ATXN7L1: variants seen among roughly 807,000 people sequenced by gnomAD.
ATXN7L1 encodes the protein ataxin-7-like protein 1.
Under a neutral mutation model 70.8 loss-of-function variants are expected in ATXN7L1, and 15 were observed. The observed-to-expected ratio is 0.21, with a 90% CI of 0.14 to 0.33. The LOEUF (loss-of-function observed/expected upper bound fraction) is 0.33. ATXN7L1 is among the 10% of genes least tolerant of loss of function. The probability of loss-of-function intolerance (pLI) is 1.00; values close to 1 mark genes in which losing one functional copy is unlikely to be tolerated. For synonymous variants in ATXN7L1, 440 were observed against 445.1 expected, an observed-to-expected ratio of 0.99 and a Z score of 0.14; for missense variants, 975 against 1,097.1, an observed-to-expected ratio of 0.89 and a Z score of 1.57.
intron 4 of ATXN7L1, among the ~76,000 whole-genome samples, chr7:105,659,080 T>A (rs1450713812): frequency 6.6e-6 from 1 of 152,074 alleles, no homozygotes; most frequent in Admixed American, 6.5e-5. Flanking sequence ...GAGGTTGCAG[T>A]GAGCTGAGAT....
At position 105,662,360 on chromosome 7, in the gene ATXN7L1, C is replaced by G. The variant is rs142748868; in HGVS notation, c.578+2706G>C. On this transcript the variant is annotated intron_variant, in intron 4 of 11. Transcript: ENST00000419735. ...CTTGTGATCTGCCCATCTCGGCCTC[C>G]CAAAGTGCTGGGATTACAGATGTGA... 3.8e-3 allele frequency among the ~76,000 whole-genome samples: 580 copies of G among 152,192 alleles called. 2 individuals carry two copies. Among genetic ancestry groups the G allele is most frequent in the Middle Eastern group, 0.017 (5 of 294 alleles).
At chr7:105,722,481 GA>G (rs1431965496) in intron 3 of ATXN7L1, among the ~76,000 whole-genome samples, 2 of 139,062 alleles carry the variant, frequency 1.4e-5, no homozygotes, top group Non-Finnish European at 3.1e-5. Context: ...AGAATTGCTT[GA>G]ATTGGGAGGC....
rs1792765835 is a variant in ATXN7L1 at position 105,606,365 on chromosome 7, T to G, written c.*1487A>C. ...ACTTAACAGTAGTCTGATCTTTGGGTTGGGGGAACGGGAAAGAAAAGGAAA... is the reference window on the plus strand; with the variant it reads ...ACTTAACAGTAGTCTGATCTTTGGGGTGGGGGAACGGGAAAGAAAAGGAAA... On this transcript the variant is annotated 3_prime_UTR_variant, in exon 12 of 12. Transcript: ENST00000419735. 6.6e-6 allele frequency: 1 copy of G among 152,120 alleles called. No individual in the cohort carries two copies. Among genetic ancestry groups the G allele is most frequent in the Non-Finnish European group, 1.5e-5 (1 of 68,014 alleles). 9.4% of individuals were successfully genotyped at this position (152,120 alleles called of 1,614,324 possible).
chr7:105,748,767 T>C (rs1202767534), intron 3 of ATXN7L1, among the ~76,000 whole-genome samples: 1 of 152,136 alleles, frequency 6.6e-6, no homozygotes, highest in African/African-American at 2.4e-5. Flanking sequence ...CAGGGCCAAG[T>C]GTGGACAGGG....
intron 3 of ATXN7L1, among the ~76,000 whole-genome samples, chr7:105,688,807 C>T (rs558179341): frequency 5.9e-5 from 9 of 152,324 alleles, no homozygotes; most frequent in South Asian, 2.1e-4. Flanking sequence ...TACAAGTACA[C>T]GGAGCAGGTG....
At chr7:105,692,415 T>TTCCCTCCCTCCC (rs1379205062) in intron 3 of ATXN7L1, among the ~76,000 whole-genome samples, 5,843 of 134,622 alleles carry the variant, frequency 0.043, 362 homozygotes, top group South Asian at 0.12. Context: ...CCTTCCTTCC[T>TTCCCTCCCTCCC]TCCTTCCTTC....
chr7:105,641,978 T>G (rs1798326465), intron 5 of ATXN7L1, among the ~76,000 whole-genome samples: 1 of 152,220 alleles, frequency 6.6e-6, no homozygotes, highest in South Asian at 2.1e-4. Flanking sequence ...CGAGGACAGT[T>G]TCTCTGTCAC....
chr7:105,801,394 A>C (rs539663516), intron 2 of ATXN7L1, among the ~76,000 whole-genome samples: 1 of 152,320 alleles, frequency 6.6e-6, no homozygotes, highest in Non-Finnish European at 1.5e-5. Context: ...GATCTAGGAA[A>C]TCAGATTCTC....
chr7:105,667,698 C>CAAAAAAAA (rs397890100), intron 3 of ATXN7L1, among the ~76,000 whole-genome samples: 1 of 47,066 alleles, frequency 2.1e-5, no homozygotes, highest in African/African-American at 7.9e-5. Flanking sequence ...GACTCCGTCT[C>CAAAAAAAA]AAAAAAAAAA....
At chr7:105,697,605 G>A (rs776483591) in intron 3 of ATXN7L1, among the ~76,000 whole-genome samples, 27 of 152,100 alleles carry the variant, frequency 1.8e-4, no homozygotes, top group African/African-American at 5.3e-4. Context: ...GTCCTGAGGC[G>A]ACATACATCC....
intron 3 of ATXN7L1, among the ~76,000 whole-genome samples, chr7:105,727,776 A>G (rs1286966482): frequency 1.6e-5 from 2 of 124,228 alleles, no homozygotes; most frequent in Non-Finnish European, 1.6e-5. Flanking sequence ...ATATATATAT[A>G]TACACACACA....
chr7:105,627,988 G>T (rs1358815246), intron 7 of ATXN7L1, among the ~76,000 whole-genome samples: 2 of 151,300 alleles, frequency 1.3e-5, no homozygotes, highest in African/African-American at 4.9e-5. Context: ...GGGATTACAG[G>T]TGTGTGCCAC....
chr7:105,659,041 C>T (rs1352801300), intron 4 of ATXN7L1, among the ~76,000 whole-genome samples: 1 of 152,044 alleles, frequency 6.6e-6, no homozygotes, highest in Non-Finnish European at 1.5e-5. Flanking sequence ...GGAGGATGAG[C>T]CAGGAGAATA....
intron 7 of ATXN7L1, among the ~76,000 whole-genome samples, chr7:105,624,708 G>A (rs1462071425): frequency 1.3e-5 from 2 of 150,666 alleles, no homozygotes; most frequent in Non-Finnish European, 1.5e-5. Context: ...AGGGCACATT[G>A]GTGGTGACTT....
At chr7:105,727,291 G>C (rs532804057) in intron 3 of ATXN7L1, among the ~76,000 whole-genome samples, 2 of 152,112 alleles carry the variant, frequency 1.3e-5, no homozygotes, top group Admixed American at 1.3e-4. Flanking sequence ...AGACAGTCAC[G>C]CACAGGCTTG....
At chr7:105,860,117 C>G (rs1262251927) in intron 2 of ATXN7L1, among the ~76,000 whole-genome samples, 2 of 92,514 alleles carry the variant, frequency 2.2e-5, no homozygotes, top group Non-Finnish European at 4.2e-5. Flanking sequence ...ACAGATAGAT[C>G]TTTATATGTA....
chr7:105,721,954 C>T (rs527665773), intron 3 of ATXN7L1, among the ~76,000 whole-genome samples: 1 of 152,234 alleles, frequency 6.6e-6, no homozygotes, highest in South Asian at 2.1e-4. Context: ...CTAGTTTTCT[C>T]TTGGGAGGGA....
At chr7:105,835,907 CA>C (rs547093976) in intron 2 of ATXN7L1, among the ~76,000 whole-genome samples, 2 of 151,694 alleles carry the variant, frequency 1.3e-5, no homozygotes, top group South Asian at 4.2e-4. Flanking sequence ...CTCTTTTTTT[CA>C]AGAGGAAGAA....
At chr7:105,611,742 T>A (rs1446281473) in intron 10 of ATXN7L1, among the ~76,000 whole-genome samples, 3 of 152,252 alleles carry the variant, frequency 2.0e-5, no homozygotes, top group Non-Finnish European at 4.4e-5. Flanking sequence ...ATCAACCAGA[T>A]ACAATTAAAT....
Sources: gnomAD v4.1 joint callset for allele counts (sites outside exome capture counted in the v4.1 genomes callset) on GRCh38, gnomAD v4.1.1 for gene constraint, MANE v1.5 for transcripts, NCBI Gene and HGNC (gene_info 2026-07-23, HGNC 2026-07-21) for gene names.